RXRA: variants seen among roughly 807,000 people sequenced by gnomAD.
RXRA encodes retinoic acid receptor RXR-alpha.
RXRA carries 5 observed loss-of-function variants against 44.5 expected under a neutral mutation model. That is an observed-to-expected ratio of 0.11 (90% CI 0.06 to 0.24). RXRA has a LOEUF of 0.24. RXRA is among the 10% of genes least tolerant of loss of function. The probability of loss-of-function intolerance (pLI) is 1.00; values close to 1 mark genes in which losing one functional copy is unlikely to be tolerated. For synonymous variants in RXRA, 291 were observed against 271.4 expected (o/e 1.07, Z -0.71); for missense variants, 412 against 646.5 (o/e 0.64, Z 3.93).
chr9:134,348,651 T>C (rs1830183698), intron 1 of RXRA, among the ~76,000 whole-genome samples: 1 of 152,240 alleles, frequency 6.6e-6, no homozygotes, highest in Admixed American at 6.5e-5. Flanking sequence ...GGCTGGCTCC[T>C]GCCCAGTGCT....
At chr9:134,333,703 A>C (rs782050088) in intron 1 of RXRA, among the ~76,000 whole-genome samples, 1 of 152,140 alleles carries the variant, frequency 6.6e-6, no homozygotes, top group Non-Finnish European at 1.5e-5. Flanking sequence ...GGAGGGATCT[A>C]AGTATCCTGT....
chr9:134,380,916 C>G (rs1273562513), intron 1 of RXRA, among the ~76,000 whole-genome samples: 1 of 152,170 alleles, frequency 6.6e-6, no homozygotes, highest in Admixed American at 6.5e-5. Context: ...GACAGCAGAG[C>G]CCCCGGGAAC....
intron 2 of RXRA, chr9:134,405,106 G>T (rs1435092593): frequency 6.6e-6 from 1 of 152,344 alleles, no homozygotes; most frequent in African/African-American, 2.4e-5. Context: ...CCCACTGGGG[G>T]AGGGACAGAC....
intron 8 of RXRA, 58 bp downstream of exon 8, chr9:134,432,054 T>A: frequency 7.3e-7 from 1 of 1,362,094 alleles, no homozygotes. Flanking sequence ...CAGAGGTGCC[T>A]GGGCCTCCTC....
chr9:134,373,676 G>T (rs565771815), intron 1 of RXRA, among the ~76,000 whole-genome samples: 21 of 152,314 alleles, frequency 1.4e-4, no homozygotes, highest in Non-Finnish European at 2.5e-4. Flanking sequence ...CTGGGTTGTA[G>T]CTGGAGGGAG....
At chr9:134,423,367 C>T (rs12340854) in intron 6 of RXRA, 38 of 985,454 alleles carry the variant, frequency 3.9e-5, no homozygotes, top group Middle Eastern at 5.2e-4. Flanking sequence ...TGGGCTCCGC[C>T]GCCTCAGCCC....
At chr9:134,334,098 C>T (rs749993438) in intron 1 of RXRA, among the ~76,000 whole-genome samples, 22 of 152,246 alleles carry the variant, frequency 1.4e-4, no homozygotes, top group Non-Finnish European at 2.4e-4. Flanking sequence ...GCCTGAGGGC[C>T]GTGGAGTGAT....
chr9:134,348,065 C>G (rs11185657), intron 1 of RXRA, among the ~76,000 whole-genome samples: 2 of 151,940 alleles, frequency 1.3e-5, no homozygotes, highest in Admixed American at 6.6e-5. Context: ...GCCAACAGGC[C>G]GGGAGAGAGG....
chr9:134,426,049 C>T lies in RXRA; in HGVS notation c.911-3059C>T, dbSNP rs1403641879. ...CTGCAACCCCAGCAGAGGCCCTGAG[C>T]GTTTGGGCAGGGCCACGAGGGATCT... On this transcript the variant is annotated intron_variant, in intron 6 of 9. Transcript: ENST00000481739. This position sits in a 1 kb window ranked among gnomAD's most constrained non-coding sequence, Gnocchi z 4.6. The T allele has an allele frequency of 7.1e-6, 7 of 985,250 alleles. No individual in the cohort carries two copies. Among genetic ancestry groups the T allele is most frequent in the South Asian group, 4.7e-5 (1 of 21,290 alleles). The allele number at this position is 985,250 out of a possible 1,614,324, so 61.0% of individuals were successfully genotyped here. A position where few individuals can be genotyped will look rare whatever the true frequency, so the allele number is the denominator to read the frequency against.
At chr9:134,432,364 C>T (rs1219510721) in intron 8 of RXRA, among the ~76,000 whole-genome samples, 1 of 152,244 alleles carries the variant, frequency 6.6e-6, no homozygotes, top group African/African-American at 2.4e-5. Context: ...GAGTCCCAAG[C>T]CCTGCAGGCT....
intron 6 of RXRA, chr9:134,425,126 C>T (rs895631794): frequency 1.2e-5 from 12 of 985,204 alleles, no homozygotes; most frequent in East Asian, 1.1e-4. Context: ...CTGTGGCTCG[C>T]GGTGACACTG....
chr9:134,339,498 T>C (rs558578223), intron 1 of RXRA, among the ~76,000 whole-genome samples: 48 of 151,232 alleles, frequency 3.2e-4, no homozygotes, highest in African/African-American at 1.0e-3. Context: ...CACGCCCTTG[T>C]GTGAGTGTGT....
At chr9:134,338,976 G>A (rs1830047754) in intron 1 of RXRA, among the ~76,000 whole-genome samples, 1 of 152,250 alleles carries the variant, frequency 6.6e-6, no homozygotes, top group Non-Finnish European at 1.5e-5. Context: ...TGTCACCACT[G>A]CTGTCTGCCT....
Position 134,380,727 on chromosome 9 carries a change from C to T in RXRA, c.29-20905C>T, listed in dbSNP as rs1047228861. 1.1e-4 allele frequency among the ~76,000 whole-genome samples: 17 copies of T among 152,202 alleles called. No individual in the cohort carries two copies. In the East Asian group the frequency reaches 1.7e-3, roughly 16 times the overall value. On this transcript the variant is annotated intron_variant, in intron 1 of 9. Coordinates refer to ENST00000481739, the MANE Select transcript of RXRA (RefSeq NM_002957.6). ...CCAGGTGGGGAGTGCAGCTGGCCAC[C>T]GAGCCTCATGAAGCACCTTTCCAGT... is the stretch of plus-strand genomic sequence containing the variant.
rs1013920365 is a variant in RXRA at position 134,438,003 on chromosome 9, G to C, written c.*1389G>C. The C allele has an allele frequency of 1.3e-5, 2 of 152,614 alleles. No individual in the cohort carries two copies. The highest frequency in any genetic ancestry group is 4.8e-5 in the African/African-American group (2 of 41,448). 9.5% of individuals were successfully genotyped at this position (152,614 alleles called of 1,614,324 possible). On this transcript the variant is annotated 3_prime_UTR_variant, in exon 10 of 10. Coordinates refer to ENST00000481739, the MANE Select transcript of RXRA (RefSeq NM_002957.6). ...CTCCTCCCGCAGGCTCTGCCCCCGG[G>C]CTCCGGTGGTGCGGGGCCCTCTCAG...
intron 1 of RXRA, among the ~76,000 whole-genome samples, chr9:134,374,583 C>G (rs1203919291): frequency 6.6e-6 from 1 of 152,248 alleles, no homozygotes; most frequent in African/African-American, 2.4e-5. Context: ...ACCAAACCCC[C>G]ACAACCTCCA....
intron 1 of RXRA, among the ~76,000 whole-genome samples, chr9:134,331,771 G>GACACAAGT (rs61084622): frequency 0.38 from 58,143 of 151,880 alleles, 12,542 homozygotes; most frequent in African/African-American, 0.59. Context: ...CCCGCTGTGG[G>GACACAAGT]GCCTGCTTTT....
rs560462914 is a variant in RXRA, at chr9:134,426,622, C to T, written c.911-2486C>T. The T allele has an allele frequency of 5.1e-6, 5 of 985,290 alleles. No homozygotes were observed. The highest frequency in any genetic ancestry group is 6.0e-6 in the Non-Finnish European group (5 of 829,932). The allele number at this position is 985,290 out of a possible 1,614,324, so 61.0% of individuals were successfully genotyped here. ...CTTCTGACCCCAGCCGTGCACTAGGCCCCTCTGCTGGGCACACCAGAGTTT... is the reference window on the plus strand; with the variant it reads ...CTTCTGACCCCAGCCGTGCACTAGGTCCCTCTGCTGGGCACACCAGAGTTT... On this transcript the variant is annotated intron_variant, in intron 6 of 9. Coordinates refer to ENST00000481739, the MANE Select transcript of RXRA (RefSeq NM_002957.6). This position sits in a 1 kb window ranked among gnomAD's most constrained non-coding sequence, Gnocchi z 4.6.
intron 1 of RXRA, among the ~76,000 whole-genome samples, chr9:134,338,806 C>T (rs1227642945): frequency 6.6e-6 from 1 of 152,224 alleles, no homozygotes; most frequent in Non-Finnish European, 1.5e-5. Context: ...GGGGAGCGAG[C>T]AGGCCTCTGT....
Sources: gnomAD v4.1 joint callset for allele counts (sites outside exome capture counted in the v4.1 genomes callset) on GRCh38, gnomAD v4.1.1 for gene constraint, Gnocchi (gnomAD v3.1) non-coding constraint, MANE v1.5 for transcripts, NCBI Gene and HGNC (gene_info 2026-07-23, HGNC 2026-07-21) for gene names.